The following SLC8A1 variants were observed in gnomAD, a reference collection of about 807,000 sequenced individuals.
SLC8A1 encodes solute carrier family 8 member A1, also known as sodium/calcium exchanger 1.
SLC8A1 carries 18 observed loss-of-function variants against 68.3 expected under a neutral mutation model. That is an observed-to-expected ratio of 0.26 (90% CI 0.18 to 0.39). The LOEUF (loss-of-function observed/expected upper bound fraction) is 0.39. Ranked by LOEUF, SLC8A1 falls within the 10% of genes least tolerant of loss-of-function variation. SLC8A1 has a pLI of 1.00. For missense variants in SLC8A1, 985 were observed against 1,156.7 expected (o/e 0.85, Z 2.15); for synonymous variants, 475 against 415.5 (o/e 1.14, Z -1.74).
At chr2:40,339,470 T>G (rs746417095) in intron 2 of SLC8A1, among the ~76,000 whole-genome samples, 4 of 152,248 alleles carry the variant, frequency 2.6e-5, no homozygotes, top group Non-Finnish European at 4.4e-5. Context: ...ACCATTTTTA[T>G]GTACACTTGG....
At chr2:40,473,686 A>T (rs1387363061) in intron 1 of SLC8A1, among the ~76,000 whole-genome samples, 2 of 152,226 alleles carry the variant, frequency 1.3e-5, no homozygotes, top group African/African-American at 4.8e-5. Context: ...GACAAAGGAT[A>T]GTGGGCTTGT....
chr2:40,340,603 C>T (rs4952611), intron 2 of SLC8A1, among the ~76,000 whole-genome samples: 95,933 of 151,924 alleles, frequency 0.63, 30,525 homozygotes, highest in African/African-American at 0.71. Context: ...GGACTAGGCA[C>T]ATCAAACACA....
At chr2:40,415,202 T>C (rs192498127) in intron 2 of SLC8A1, among the ~76,000 whole-genome samples, 1 of 152,126 alleles carries the variant, frequency 6.6e-6, no homozygotes, top group Non-Finnish European at 1.5e-5. Context: ...GGTCAGGAAG[T>C]CTCAGGGCTG....
intron 2 of SLC8A1, among the ~76,000 whole-genome samples, chr2:40,381,711 AT>A (rs982727466): frequency 5.3e-5 from 8 of 151,600 alleles, no homozygotes; most frequent in Non-Finnish European, 7.4e-5. Flanking sequence ...AGAAAGTTAC[AT>A]TTGTCTTATC....
chr2:40,236,991 C>T (rs567718110), intron 2 of SLC8A1, among the ~76,000 whole-genome samples: 10 of 151,886 alleles, frequency 6.6e-5, no homozygotes, highest in African/African-American at 2.2e-4. Flanking sequence ...GATGGGCTTC[C>T]CTTTGAGGGT....
At chr2:40,160,045 GAA>G (rs1245003723) in intron 6 of SLC8A1, among the ~76,000 whole-genome samples, 1 of 148,934 alleles carries the variant, frequency 6.7e-6, no homozygotes, top group East Asian at 2.0e-4. Flanking sequence ...AGAAGAACAG[GAA>G]AAAAAATCCA....
chr2:40,336,571 T>C (rs943089708), intron 2 of SLC8A1, among the ~76,000 whole-genome samples: 4 of 152,178 alleles, frequency 2.6e-5, no homozygotes, highest in Admixed American at 2.0e-4. Context: ...AGGGAAGTTA[T>C]CTAAACTGAC....
At chr2:40,389,108 T>C (rs1684499058) in intron 2 of SLC8A1, among the ~76,000 whole-genome samples, 1 of 152,058 alleles carries the variant, frequency 6.6e-6, no homozygotes, top group Non-Finnish European at 1.5e-5. Context: ...AGTGTGTGTG[T>C]GTAAATAAAG....
rs914511094 is a variant in SLC8A1, at chr2:40,385,759, T to G, written c.1808+42714A>C. 2.0e-4 allele frequency among the ~76,000 whole-genome samples: 30 copies of G among 151,436 alleles called. 1 individual carries two copies. Among genetic ancestry groups the G allele is most frequent in the African/African-American group, 7.1e-4 (29 of 40,866 alleles). ...GATTCAGTAAATCCCCTTAAAGGAATCTATTTTAAAACAGAAGCTTGGCAA... is the reference window on the plus strand; with the variant it reads ...GATTCAGTAAATCCCCTTAAAGGAAGCTATTTTAAAACAGAAGCTTGGCAA... On this transcript the variant is annotated intron_variant, in intron 2 of 7. Coordinates refer to ENST00000406785, the Ensembl canonical transcript of SLC8A1.
chr2:40,255,114 A>T (rs1047784781), intron 2 of SLC8A1: 3 of 151,982 alleles, frequency 2.0e-5, no homozygotes, highest in Admixed American at 6.6e-5. Context: ...TAAGACAAGA[A>T]TTTTTTTCCT....
chr2:40,397,675 C>A (rs1194166402), intron 2 of SLC8A1, among the ~76,000 whole-genome samples: 1 of 152,178 alleles, frequency 6.6e-6, no homozygotes, highest in African/African-American at 2.4e-5. Context: ...TACTCAGGCC[C>A]TACCCTGAGA....
intron 2 of SLC8A1, among the ~76,000 whole-genome samples, chr2:40,250,743 G>T (rs973083434): frequency 6.6e-6 from 1 of 152,152 alleles, no homozygotes; most frequent in East Asian, 1.9e-4. Context: ...TGTTAAATGT[G>T]CCTTGTGTTC....
intron 2 of SLC8A1, among the ~76,000 whole-genome samples, chr2:40,260,783 A>C (rs771367053): frequency 6.6e-6 from 1 of 151,974 alleles, no homozygotes; most frequent in Admixed American, 6.5e-5. Flanking sequence ...TGTAACTAAA[A>C]TCTCTAAAAC....
intron 1 of SLC8A1, among the ~76,000 whole-genome samples, chr2:40,489,589 G>C (rs1302795268): frequency 1.3e-5 from 2 of 152,082 alleles, no homozygotes; most frequent in Non-Finnish European, 2.9e-5. Flanking sequence ...ATTAGAAGGG[G>C]AGTAGAGTAG....
intron 2 of SLC8A1, among the ~76,000 whole-genome samples, chr2:40,245,594 T>C (rs975853108): frequency 6.6e-6 from 1 of 152,182 alleles, no homozygotes; most frequent in African/African-American, 2.4e-5. Context: ...CAAGATCCAC[T>C]TGAACCACTG....
At chr2:40,365,893 G>C (rs1000038691) in intron 2 of SLC8A1, among the ~76,000 whole-genome samples, 3 of 151,704 alleles carry the variant, frequency 2.0e-5, no homozygotes, top group African/African-American at 7.3e-5. Flanking sequence ...CAGCCACTAG[G>C]GAGGCTGAGG....
At chr2:40,440,489 A>G (rs930107615) in intron 1 of SLC8A1, among the ~76,000 whole-genome samples, 20 of 152,216 alleles carry the variant, frequency 1.3e-4, no homozygotes, top group African/African-American at 4.6e-4. Context: ...TCATTAAAAA[A>G]AATCAAACGT....
intron 2 of SLC8A1, among the ~76,000 whole-genome samples, chr2:40,370,566 T>G (rs1332197237): frequency 6.6e-6 from 1 of 152,132 alleles, no homozygotes; most frequent in East Asian, 1.9e-4. Flanking sequence ...CTTAGATATC[T>G]TATTCTTATC....
intron 2 of SLC8A1, among the ~76,000 whole-genome samples, chr2:40,340,891 A>C (rs1426061370): frequency 6.6e-6 from 1 of 152,144 alleles, no homozygotes; most frequent in Admixed American, 6.5e-5. Context: ...ACCCAAATAC[A>C]CTGGAGACTT....
Sources: gnomAD v4.1 joint callset for allele counts (sites outside exome capture counted in the v4.1 genomes callset) on GRCh38, gnomAD v4.1.1 for gene constraint, MANE v1.5 for transcripts, NCBI Gene and HGNC (gene_info 2026-07-23, HGNC 2026-07-21) for gene names.